Variants in EYS observed in about 807,000 individuals in gnomAD.
EYS encodes protein eyes shut homolog.
A neutral mutation model predicts 282.1 loss-of-function variants in EYS; 250 were observed. The observed-to-expected ratio is 0.89, with a 90% CI of 0.80 to 0.98. The LOEUF (loss-of-function observed/expected upper bound fraction) is 0.98. Ranked by LOEUF, EYS falls within the 50% of genes least tolerant of loss-of-function variation. EYS has a pLI of 0.00. For synonymous variants in EYS, 1,355 were observed against 1,282.9 expected, an observed-to-expected ratio of 1.06 and a Z score of -1.20; for missense variants, 4,016 against 3,709.0, an observed-to-expected ratio of 1.08 and a Z score of -2.15.
At chr6:64,612,146 C>T (rs908758218) in intron 24 of EYS, among the ~76,000 whole-genome samples, 10 of 152,102 alleles carry the variant, frequency 6.6e-5, no homozygotes, top group African/African-American at 2.2e-4. Flanking sequence ...CACAAATAGG[C>T]TGTCCTTCTG....
At chr6:64,670,230 C>T (rs1188147181) in intron 22 of EYS, among the ~76,000 whole-genome samples, 1 of 151,980 alleles carries the variant, frequency 6.6e-6, no homozygotes, top group African/African-American at 2.4e-5. Context: ...ACAGATGACT[C>T]GTGGATCCTT....
chr6:63,863,351 T>C (rs1037800953), intron 36 of EYS, among the ~76,000 whole-genome samples: 39 of 152,182 alleles, frequency 2.6e-4, no homozygotes, highest in African/African-American at 9.2e-4. Context: ...CTTTTTGTAA[T>C]TTAGGATTTC....
intron 13 of EYS, among the ~76,000 whole-genome samples, chr6:65,046,344 TTAGCTCAAG>T (rs1488387857): frequency 2.0e-5 from 3 of 151,898 alleles, no homozygotes; most frequent in African/African-American, 7.2e-5. Flanking sequence ...GATAAATTTA[TTAGCTCAAG>T]TAGCAAATCA....
chr6:63,983,558 T>A (rs994258032), intron 35 of EYS, among the ~76,000 whole-genome samples: 4 of 151,858 alleles, frequency 2.6e-5, no homozygotes, highest in Non-Finnish European at 5.9e-5. Context: ...TAGAGATGTT[T>A]ATTTTTATGG....
At chr6:65,405,502 A>C in intron 5 of EYS, 135 bp from the exon 6 acceptor site, 1 of 711,256 alleles carries the variant, frequency 1.4e-6, no homozygotes, top group Non-Finnish European at 2.3e-6. Flanking sequence ...AATGTATTGC[A>C]GTGTAAGTTA....
intron 12 of EYS, among the ~76,000 whole-genome samples, chr6:65,119,064 G>A (rs972749984): frequency 6.6e-6 from 1 of 152,052 alleles, no homozygotes; most frequent in African/African-American, 2.4e-5. Context: ...AATGAGGGGA[G>A]AAAACATACC....
At chr6:64,126,368 G>A (rs924631298) in intron 31 of EYS, among the ~76,000 whole-genome samples, 3 of 130,718 alleles carry the variant, frequency 2.3e-5, no homozygotes, top group African/African-American at 8.2e-5. Flanking sequence ...GGAATACAAT[G>A]CACTATTCTC....
intron 35 of EYS, among the ~76,000 whole-genome samples, chr6:63,934,350 A>AG (rs1217792464): frequency 6.6e-6 from 1 of 152,126 alleles, no homozygotes; most frequent in Non-Finnish European, 1.5e-5. Context: ...GCGATTCCTC[A>AG]GGGATCTAGA....
At chr6:64,593,000 C>T (rs1562081260) in intron 25 of EYS, 117 bp downstream of exon 25, 3 of 684,930 alleles carry the variant, frequency 4.4e-6, no homozygotes, top group Non-Finnish European at 6.7e-6. Flanking sequence ...TAATTTTACA[C>T]CCCTAAAAAT....
intron 12 of EYS, among the ~76,000 whole-genome samples, chr6:65,138,718 T>C (rs1776093289): frequency 6.6e-6 from 1 of 151,996 alleles, no homozygotes; most frequent in African/African-American, 2.4e-5. Context: ...CACCCCCAAA[T>C]GCCTGCTTTA....
At chr6:64,276,106 C>A (rs1372058602) in intron 30 of EYS, among the ~76,000 whole-genome samples, 1 of 152,036 alleles carries the variant, frequency 6.6e-6, no homozygotes, top group Non-Finnish European at 1.5e-5. Context: ...TTCTTTCCTT[C>A]TGAATATTTT....
chr6:63,835,713 A>C (rs1452380140), intron 36 of EYS, among the ~76,000 whole-genome samples: 1 of 152,106 alleles, frequency 6.6e-6, no homozygotes, highest in Non-Finnish European at 1.5e-5. Context: ...CTGTAGCCCA[A>C]TAACTTATGG....
intron 31 of EYS, among the ~76,000 whole-genome samples, chr6:64,169,423 G>A (rs1764407126): frequency 9.5e-6 from 1 of 105,184 alleles, no homozygotes; most frequent in Non-Finnish European, 1.9e-5. Flanking sequence ...CAAACAATTT[G>A]AGGAGGAGTT....
intron 7 of EYS, among the ~76,000 whole-genome samples, chr6:65,400,284 C>T (rs1030361499): frequency 1.3e-5 from 2 of 151,944 alleles, no homozygotes; most frequent in African/African-American, 4.8e-5. Flanking sequence ...TGCTGTATTT[C>T]ACAAACTCCA....
At chr6:65,012,240 T>A (rs1025064966) in intron 13 of EYS, among the ~76,000 whole-genome samples, 2 of 152,168 alleles carry the variant, frequency 1.3e-5, no homozygotes, top group African/African-American at 4.8e-5. Context: ...ATAGGATTAT[T>A]TGATTCAAGA....
chr6:65,224,207 T>A (rs955942422), intron 12 of EYS, among the ~76,000 whole-genome samples: 7 of 152,104 alleles, frequency 4.6e-5, no homozygotes, highest in Non-Finnish European at 7.4e-5. Context: ...ATTGAAGTCA[T>A]ACAAACTATC....
chr6:63,832,046 C>A (rs1186434248), intron 36 of EYS, among the ~76,000 whole-genome samples: 1 of 152,088 alleles, frequency 6.6e-6, no homozygotes, highest in African/African-American at 2.4e-5. Context: ...ATATCAGGAT[C>A]TCTGGGATAA....
intron 10 of EYS, among the ~76,000 whole-genome samples, chr6:65,341,929 G>A (rs1035189170): frequency 2.0e-5 from 3 of 150,986 alleles, no homozygotes; most frequent in Admixed American, 6.6e-5. Flanking sequence ...TCAGATAGTC[G>A]ACATTTTACA....
chr6:65,263,079 G>T (rs776467359), intron 12 of EYS, among the ~76,000 whole-genome samples: 4 of 152,094 alleles, frequency 2.6e-5, no homozygotes, highest in Non-Finnish European at 5.9e-5. Flanking sequence ...AGTGACAAAC[G>T]CCTATAATCC....
Sources: allele counts gnomAD v4.1 joint callset (sites outside exome capture counted in the v4.1 genomes callset), GRCh38; gene constraint gnomAD v4.1.1; transcripts MANE v1.5; gene names NCBI Gene and HGNC (gene_info 2026-07-23, HGNC 2026-07-21).